Variants in LRCH3 observed in about 807,000 individuals in gnomAD.
LRCH3 encodes the protein DISP complex protein LRCH3.
A neutral mutation model predicts 104.5 loss-of-function variants in LRCH3; 68 were observed. The ratio of observed to expected loss-of-function variants is 0.65; its 90% CI spans 0.54 to 0.80. The LOEUF (loss-of-function observed/expected upper bound fraction) is 0.80. LRCH3 is among the 30% of genes least tolerant of loss of function. LRCH3 has a pLI of 0.00. For synonymous variants in LRCH3, 344 were observed against 361.3 expected, an observed-to-expected ratio of 0.95 and a Z score of 0.54; for missense variants, 951 against 953.9, an observed-to-expected ratio of 1.00 and a Z score of 0.04.
intron 1 of LRCH3, among the ~76,000 whole-genome samples, chr3:197,795,849 C>T (rs762275766): frequency 4.6e-5 from 7 of 151,718 alleles, no homozygotes; most frequent in Non-Finnish European, 1.0e-4. Context: ...CCCACCACCA[C>T]GCCTGGCTAA....
chr3:197,846,026 A>G (rs1317035002), intron 10 of LRCH3, among the ~76,000 whole-genome samples: 1 of 152,188 alleles, frequency 6.6e-6, no homozygotes, highest in Non-Finnish European at 1.5e-5. Flanking sequence ...TCATCTACAG[A>G]TGGCCGCTAA....
intron 3 of LRCH3, among the ~76,000 whole-genome samples, chr3:197,819,938 G>T (rs1338205013): frequency 6.6e-6 from 1 of 152,096 alleles, no homozygotes; most frequent in African/African-American, 2.4e-5. Flanking sequence ...TGAAACTCCT[G>T]GGCTCACGTG....
At chr3:197,877,814 G>C (rs1302120462) in intron 20 of LRCH3, among the ~76,000 whole-genome samples, 2 of 151,824 alleles carry the variant, frequency 1.3e-5, no homozygotes, top group South Asian at 2.1e-4. Context: ...TTTACATAAA[G>C]TGGTAGTTAG....
chr3:197,875,817 G>C (rs963063685), intron 20 of LRCH3, 42 bp downstream of exon 20: 2 of 1,294,104 alleles, frequency 1.5e-6, no homozygotes, highest in African/African-American at 1.5e-5. Flanking sequence ...AATAGACTTG[G>C]TTGTCCTAAA....
In LRCH3 at chr3:197,825,464, A is replaced by ATTTTTTTTTTTTTT. The variant is rs58237989; in HGVS notation, c.641-1394_641-1381dup. Among the ~76,000 whole-genome samples, 10 of 20,070 alleles carry ATTTTTTTTTTTTTT rather than the reference A, an allele frequency of 5.0e-4. 4 individuals carry two copies. Among genetic ancestry groups the ATTTTTTTTTTTTTT allele is most frequent in the Non-Finnish European group, 9.3e-4 (10 of 10,750 alleles). 13.2% of individuals were successfully genotyped at this position (20,070 alleles called of 152,430 possible). On this transcript the variant is annotated intron_variant, in intron 4 of 20. Coordinates refer to ENST00000425562, the MANE Select transcript of LRCH3 (RefSeq NM_001365715.1). ...TAGACCTCTTTGTTGATCCTCTTTG[A>ATTTTTTTTTTTTTT]TTTTTTTTTTTTTTTTTTTTTTTTT...
chr3:197,835,150 AC>A (rs1736580146), intron 8 of LRCH3, among the ~76,000 whole-genome samples: 1 of 152,156 alleles, frequency 6.6e-6, no homozygotes, highest in Non-Finnish European at 1.5e-5. Flanking sequence ...TCTCAAAAAA[AC>A]AAAACAAAAT....
At chr3:197,838,242 A>G (rs1472192572) in intron 9 of LRCH3, among the ~76,000 whole-genome samples, 1 of 152,252 alleles carries the variant, frequency 6.6e-6, no homozygotes, top group Non-Finnish European at 1.5e-5. Flanking sequence ...CCACATAGCG[A>G]CACTCTGTCT....
chr3:197,864,728 C>CTTTA (rs1741279422), intron 15 of LRCH3, among the ~76,000 whole-genome samples: 1 of 116,416 alleles, frequency 8.6e-6, no homozygotes, highest in African/African-American at 3.6e-5. Context: ...TTTTTTTTTC[C>CTTTA]AAAGGGGGTC....
chr3:197,870,338 G>A, intron 18 of LRCH3, 60 bp downstream of exon 18: 2 of 1,447,148 alleles, frequency 1.4e-6, no homozygotes, highest in South Asian at 1.2e-5. Context: ...TCATAATCCT[G>A]TGATCACGTC....
At chr3:197,875,094 C>G (rs958721301) in intron 19 of LRCH3, among the ~76,000 whole-genome samples, 4 of 151,976 alleles carry the variant, frequency 2.6e-5, no homozygotes, top group Non-Finnish European at 5.9e-5. Context: ...CCACACCTGG[C>G]TAATTTTTGT....
rs1714050398 is a variant in LRCH3 at position 197,884,567 on chromosome 3, G to A, written c.*901G>A. 1 of 152,564 alleles carries A rather than the reference G, an allele frequency of 6.6e-6. No homozygotes were observed. The allele number at this position is 152,564 out of a possible 1,614,324, so 9.5% of individuals were successfully genotyped here. A position where few individuals can be genotyped will look rare whatever the true frequency, so the allele number is the denominator to read the frequency against. On this transcript the variant is annotated 3_prime_UTR_variant, in exon 21 of 21. Coordinates refer to ENST00000425562, the MANE Select transcript of LRCH3 (RefSeq NM_001365715.1). ...GCCTCTGAGGGTGCTGGGATTACAG[G>A]CGTGAGCCACTGCGCCCGGCGCCCG...
chr3:197,796,861 C>A (rs1051791556), intron 1 of LRCH3, among the ~76,000 whole-genome samples: 7 of 152,088 alleles, frequency 4.6e-5, no homozygotes, highest in Admixed American at 2.6e-4. Flanking sequence ...TGCCCAATAT[C>A]TTTGAAGGGT....
In LRCH3 at chr3:197,884,520, C is replaced by G. The variant is rs539404762; in HGVS notation, c.*854C>G. On this transcript the variant is annotated 3_prime_UTR_variant, in exon 21 of 21. Coordinates refer to ENST00000425562, the MANE Select transcript of LRCH3 (RefSeq NM_001365715.1). ...CCGGCCTCCGAGAGTGCTGGGATTA[C>G]AGGCGTGAGCCACTGTGCCCGGCCT... 6.5e-6 allele frequency: 1 copy of G among 152,778 alleles called. No homozygotes were observed. Among genetic ancestry groups the G allele is most frequent in the Admixed American group, 6.5e-5 (1 of 15,268 alleles). The allele number at this position is 152,778 out of a possible 1,614,324, so 9.5% of individuals were successfully genotyped here.
chr3:197,877,870 C>T (rs1375271133), intron 20 of LRCH3, among the ~76,000 whole-genome samples: 2 of 151,926 alleles, frequency 1.3e-5, no homozygotes, highest in South Asian at 2.1e-4. Flanking sequence ...GCAAAATTTT[C>T]GTTTTTATAT....
chr3:197,878,451 C>T (rs1438670854), intron 20 of LRCH3, among the ~76,000 whole-genome samples: 6 of 151,140 alleles, frequency 4.0e-5, no homozygotes, highest in East Asian at 3.9e-4. Context: ...AAGGCAAGTA[C>T]GAAGAAAAAA....
intron 1 of LRCH3, among the ~76,000 whole-genome samples, chr3:197,803,957 C>G (rs553305548): frequency 2.6e-5 from 4 of 152,158 alleles, no homozygotes; most frequent in African/African-American, 7.2e-5. Flanking sequence ...CAACATCAGT[C>G]TATTAAAAAA....
chr3:197,836,495 T>TG (rs1490273503), intron 9 of LRCH3, among the ~76,000 whole-genome samples: 3 of 152,246 alleles, frequency 2.0e-5, no homozygotes, highest in African/African-American at 7.2e-5. Flanking sequence ...GTGATGTTGA[T>TG]GTCTGGAGCT....
intron 2 of LRCH3, 71 bp from the exon 3 acceptor site, chr3:197,817,105 C>T (rs555482985): frequency 8.7e-6 from 12 of 1,384,822 alleles, no homozygotes; most frequent in Admixed American, 2.1e-5. Flanking sequence ...CTGAGTATAG[C>T]GTGAGAAAGA....
intron 1 of LRCH3, among the ~76,000 whole-genome samples, chr3:197,811,699 A>G (rs1733141334): frequency 6.6e-6 from 1 of 152,218 alleles, no homozygotes; most frequent in South Asian, 2.1e-4. Context: ...AATAAGTCCT[A>G]ATGTCATAAT....
Sources: allele counts gnomAD v4.1 joint callset (sites outside exome capture counted in the v4.1 genomes callset), GRCh38; gene constraint gnomAD v4.1.1; transcripts MANE v1.5; gene names NCBI Gene and HGNC (gene_info 2026-07-23, HGNC 2026-07-21).